Variants in INTS11 observed in about 807,000 individuals in gnomAD.
INTS11 encodes CPSF3-like protein.
INTS11 carries 77 observed loss-of-function variants against 78.6 expected under a neutral mutation model. The ratio of observed to expected loss-of-function variants is 0.98; its 90% CI spans 0.81 to 1.18. The LOEUF is 1.18. Ranked by LOEUF, INTS11 falls within the 50% of genes most tolerant of loss-of-function variation. INTS11 has a pLI of 0.00. For missense variants in INTS11, 875 were observed against 825.9 expected (o/e 1.06, Z -0.73); for synonymous variants, 441 against 326.9 (o/e 1.35, Z -3.77).
chr1:1,318,315 T>C (rs934674891), intron 4 of INTS11, among the ~76,000 whole-genome samples: 1 of 151,936 alleles, frequency 6.6e-6, no homozygotes, highest in Admixed American at 6.6e-5. Flanking sequence ...ACTAAGCAAA[T>C]GTTGGTGTTA....
chr1:1,314,214 C>G lies in INTS11; in HGVS notation c.767+87G>C. ...GCAGCAAGCAGGGCCAAGATGCCAC[C>G]GCTACGCTGGACAGGGCTGCCCACC... On this transcript the variant is annotated intron_variant, in intron 8 of 16. Transcript: ENST00000435064. This position sits in a 1 kb window ranked among gnomAD's most constrained non-coding sequence, Gnocchi z 4.2. 7.8e-7 allele frequency: 1 copy of G among 1,274,464 alleles called. No individual in the cohort carries two copies. The allele number at this position is 1,274,464 out of a possible 1,614,324, so 78.9% of individuals were successfully genotyped here. A position where few individuals can be genotyped will look rare whatever the true frequency, so the allele number is the denominator to read the frequency against.
chr1:1,313,723 G>A lies in INTS11; in HGVS notation c.957+9C>T, dbSNP rs201455031. On this transcript the variant is annotated intron_variant, in intron 9 of 16. Coordinates refer to ENST00000435064, the MANE Select transcript of INTS11 (RefSeq NM_017871.6). ...TGGATGTGCTGGCCGGCCCTGCCGC[G>A]GGCCTCACCATCGGTCCTGGGTTGT... The A allele has an allele frequency of 3.3e-5, 53 of 1,610,970 alleles. No individual in the cohort carries two copies. Among genetic ancestry groups the A allele is most frequent in the Middle Eastern group, 1.7e-4 (1 of 6,058 alleles).
intron 4 of INTS11, chr1:1,317,518 C>T: frequency 1.1e-6 from 1 of 903,314 alleles, no homozygotes; most frequent in Non-Finnish European, 1.3e-6. Context: ...ACAGGAAAGA[C>T]AAACAGATGA....
intron 4 of INTS11, chr1:1,316,341 CA>C (rs1463690226): frequency 6.6e-6 from 1 of 152,528 alleles, no homozygotes; most frequent in Non-Finnish European, 1.5e-5. Flanking sequence ...TTAATCCCAG[CA>C]CTTGGGGAGA....
rs538934981 is a variant in INTS11, at chr1:1,324,649, G to C, written c.-41C>G. The C allele has an allele frequency of 5.4e-5, 86 of 1,594,342 alleles. No homozygotes were observed. The highest frequency in any genetic ancestry group is 6.7e-5 in the Non-Finnish European group (79 of 1,172,006). Reference sequence around the variant, plus strand: ...CCCGGACCCGCGAGGCCCGCCTGCGGTGATGCACTGCGCAGGCGCAACCAC... The same window carrying C: ...CCCGGACCCGCGAGGCCCGCCTGCGCTGATGCACTGCGCAGGCGCAACCAC... On this transcript the variant is annotated 5_prime_UTR_variant, in exon 1 of 17. Coordinates refer to ENST00000435064, the MANE Select transcript of INTS11 (RefSeq NM_017871.6).
rs571803364 is a variant in INTS11, at chr1:1,315,396, C to G, written c.563+8G>C. The G allele has an allele frequency of 1.9e-6, 3 of 1,613,300 alleles. No individual in the cohort carries two copies. The highest frequency in any genetic ancestry group is 1.1e-5 in the South Asian group (1 of 91,076). On this transcript the variant is annotated splice_region_variant and intron_variant, in intron 6 of 16. Transcript: ENST00000435064. ...CCACGGGACAAAAAGACACCTCAGC[C>G]TACTTACCCTAAGTGTCGGTCTGGG...
At chr1:1,323,723 T>C (rs1643105044) in intron 1 of INTS11, among the ~76,000 whole-genome samples, 1 of 150,686 alleles carries the variant, frequency 6.6e-6, no homozygotes, top group Non-Finnish European at 1.5e-5. Context: ...TCAGGACTTT[T>C]AGGAGTACAT....
intron 13 of INTS11, 42 bp from the exon 14 acceptor site, chr1:1,312,543 C>A (rs1304060457): frequency 1.9e-6 from 3 of 1,581,948 alleles, no homozygotes; most frequent in Non-Finnish European, 2.6e-6. Context: ...GAGGGCCGCT[C>A]CCAGCCGCCT....
chr1:1,314,116 C>A lies in INTS11; in HGVS notation c.767+185G>T. ...GAGAACCAGGAACCCCTACAAGAGCCGCACACGGTGGCGCTGACGGGATGT... is the reference window on the plus strand; with the variant it reads ...GAGAACCAGGAACCCCTACAAGAGCAGCACACGGTGGCGCTGACGGGATGT... On this transcript the variant is annotated intron_variant, in intron 8 of 16. Transcript: ENST00000435064. This position sits in a 1 kb window ranked among gnomAD's most constrained non-coding sequence, Gnocchi z 4.2. The A allele has an allele frequency of 1.3e-6, 1 of 762,124 alleles. No homozygotes were observed. Among genetic ancestry groups the A allele is most frequent in the South Asian group, 1.7e-5 (1 of 58,438 alleles). The allele number at this position is 762,124 out of a possible 1,614,324, so 47.2% of individuals were successfully genotyped here.
intron 2 of INTS11, 55 bp from the exon 3 acceptor site, chr1:1,320,584 G>A (rs1642885823): frequency 5.1e-6 from 8 of 1,579,862 alleles, no homozygotes; most frequent in South Asian, 1.1e-5. Flanking sequence ...CAGCATCTGG[G>A]GCCACCCATG....
At chr1:1,318,985 A>G (rs758672427) in intron 4 of INTS11, 8 of 717,244 alleles carry the variant, frequency 1.1e-5, no homozygotes, top group South Asian at 1.0e-4. Flanking sequence ...GGCCGCTCCA[A>G]GCGCTCTGAG....
At chr1:1,313,188 G>A (rs898732953) in intron 10 of INTS11, 64 bp from the exon 11 acceptor site, 44 of 1,526,358 alleles carry the variant, frequency 2.9e-5, no homozygotes, top group Admixed American at 1.3e-4. Flanking sequence ...GGCCTTGCCC[G>A]GGATGCCCCC....
In INTS11 at chr1:1,314,547, GAGGGAGCCGCATGAGAGACAGA is replaced by G. The variant is rs1642457175; in HGVS notation, c.703-204_703-183del. On this transcript the variant is annotated intron_variant, in intron 7 of 16. Transcript: ENST00000435064. This position sits in a 1 kb window ranked among gnomAD's most constrained non-coding sequence, Gnocchi z 4.2. ...CAGAAGGGAGCCGTATGAGAGACAG[GAGGGAGCCGCATGAGAGACAGA>G]AGGGAGCTGCATGAGAGACAGAAGG... The G allele has an allele frequency of 3.2e-5, 21 of 647,420 alleles. No individual in the cohort carries two copies. Among genetic ancestry groups the G allele is most frequent in the Admixed American group, 1.5e-4 (5 of 33,682 alleles). The allele number at this position is 647,420 out of a possible 1,614,324, so 40.1% of individuals were successfully genotyped here.
Position 1,312,630 on chromosome 1 carries a change from G to A in INTS11, c.1365C>T (p.Gly455=). Residue 455 remains glycine, a synonymous_variant, in exon 13 of 17, where the codon GGC becomes GGT. Transcript: ENST00000435064. The part of the protein sequence containing the change: ...TLPTSPSIPV[G]ISLGLLKREM... ...CCCGCTTCAGCAGCCCCAGCGAGAT[G>A]CCTACGGGGATGCTGGGGCTTGTGG... is the stretch of plus-strand genomic sequence containing the variant. 6.3e-7 allele frequency: 1 copy of A among 1,587,526 alleles called. No individual in the cohort carries two copies. The highest frequency in any genetic ancestry group is 8.6e-7 in the Non-Finnish European group (1 of 1,162,862).
intron 4 of INTS11, chr1:1,317,385 A>G: frequency 1.4e-6 from 1 of 704,818 alleles, no homozygotes; most frequent in Non-Finnish European, 1.7e-6. Flanking sequence ...ATGAGAGCGA[A>G]ACTCCATCTC....
At chr1:1,318,436 TC>T (rs1642742456) in intron 4 of INTS11, among the ~76,000 whole-genome samples, 1 of 152,016 alleles carries the variant, frequency 6.6e-6, no homozygotes, top group East Asian at 1.9e-4. Flanking sequence ...GGTGGGAGGA[TC>T]CCTGGAGCCC....
rs538583128 is a variant in INTS11, at chr1:1,311,827, G to A, written c.*32C>T. 1.8e-5 allele frequency: 28 copies of A among 1,533,566 alleles called. No homozygotes were observed. The highest frequency in any genetic ancestry group is 2.3e-5 in the Non-Finnish European group (26 of 1,139,428). The allele number at this position is 1,533,566 out of a possible 1,614,324, so 95.0% of individuals were successfully genotyped here. On this transcript the variant is annotated 3_prime_UTR_variant, in exon 17 of 17. Coordinates refer to ENST00000435064, the MANE Select transcript of INTS11 (RefSeq NM_017871.6). ...CCCAGGGTCTGTCCAGCTGGGAGAGGGCAGAGGTGGCGGCTGGGTGAGTTG... is the reference window on the plus strand; with the variant it reads ...CCCAGGGTCTGTCCAGCTGGGAGAGAGCAGAGGTGGCGGCTGGGTGAGTTG...
intron 13 of INTS11, 42 bp from the exon 14 acceptor site, chr1:1,312,543 C>G: frequency 6.3e-7 from 1 of 1,581,950 alleles, no homozygotes; most frequent in Non-Finnish European, 8.6e-7. Context: ...GAGGGCCGCT[C>G]CCAGCCGCCT....
chr1:1,320,597 C>A, intron 2 of INTS11, 68 bp from the exon 3 acceptor site: 1 of 1,530,394 alleles, frequency 6.5e-7, no homozygotes, highest in Non-Finnish European at 9.1e-7. Context: ...CACCCATGCC[C>A]CAGGGAGGGG....
Sources: allele counts gnomAD v4.1 joint callset (sites outside exome capture counted in the v4.1 genomes callset), GRCh38; gene constraint gnomAD v4.1.1; non-coding constraint Gnocchi (gnomAD v3.1); transcripts MANE v1.5; gene names NCBI Gene and HGNC (gene_info 2026-07-23, HGNC 2026-07-21).